TTC7A: variants seen among roughly 807,000 people sequenced by gnomAD.
TTC7A encodes the protein tetratricopeptide repeat protein 7A.
Under a neutral mutation model 103.7 loss-of-function variants are expected in TTC7A, and 110 were observed. The ratio of observed to expected loss-of-function variants is 1.06; its 90% CI spans 0.91 to 1.24. The LOEUF (loss-of-function observed/expected upper bound fraction) is 1.24, where lower values mean the gene tolerates loss of function less well. Ranked by LOEUF, TTC7A falls within the 50% of genes most tolerant of loss-of-function variation. The pLI is 0.00. For synonymous variants in TTC7A, 521 were observed against 467.9 expected, an observed-to-expected ratio of 1.11 and a Z score of -1.47; for missense variants, 1,340 against 1,116.3, an observed-to-expected ratio of 1.20 and a Z score of -2.86.
At chr2:47,071,570 TGAG>T (rs1684718586) in intron 19 of TTC7A, among the ~76,000 whole-genome samples, 1 of 152,238 alleles carries the variant, frequency 6.6e-6, no homozygotes, top group Non-Finnish European at 1.5e-5. Flanking sequence ...GGTTTACAGA[TGAG>T]GAAACCACAG....
At chr2:47,042,207 G>A (rs1026819938) in intron 15 of TTC7A, among the ~76,000 whole-genome samples, 4 of 152,192 alleles carry the variant, frequency 2.6e-5, no homozygotes, top group African/African-American at 9.7e-5. Context: ...TCCCTGAGAG[G>A]TGGAAGTTTC....
chr2:47,051,508 C>T (rs1440622731), intron 17 of TTC7A, among the ~76,000 whole-genome samples: 1 of 152,200 alleles, frequency 6.6e-6, no homozygotes, highest in South Asian at 2.1e-4. Context: ...AGGAATAGAT[C>T]CTAGTGGGAT....
intron 14 of TTC7A, among the ~76,000 whole-genome samples, chr2:47,025,172 C>G (rs894087026): frequency 2.6e-5 from 4 of 152,154 alleles, no homozygotes; most frequent in Admixed American, 1.3e-4. Context: ...GAGGGAAGCC[C>G]GAAGAAGCCC....
chr2:47,009,943 A>G (rs965612878), intron 10 of TTC7A, among the ~76,000 whole-genome samples: 1 of 148,908 alleles, frequency 6.7e-6, no homozygotes, highest in African/African-American at 2.5e-5. Flanking sequence ...GCAGGGAAAC[A>G]GGCCGCCTTT....
Position 47,003,099 on chromosome 2 carries a change from C to T in TTC7A, c.1066-2823C>T, listed in dbSNP as rs973872070. Among the ~76,000 whole-genome samples the T allele has an allele frequency of 5.3e-5, 8 of 152,242 alleles. 1 individual carries two copies. Among genetic ancestry groups the T allele is most frequent in the Non-Finnish European group, 1.2e-4 (8 of 68,048 alleles). On this transcript the variant is annotated intron_variant, in intron 8 of 19. Coordinates refer to ENST00000319190, the MANE Select transcript of TTC7A (RefSeq NM_020458.4). ...TCCCTCTGCCAGACACAAATTCAGACACTGTTCTCTTAAAGGTCAAGGTCT... is the reference window on the plus strand; with the variant it reads ...TCCCTCTGCCAGACACAAATTCAGATACTGTTCTCTTAAAGGTCAAGGTCT...
chr2:46,946,718 G>T (rs1282736618), intron 1 of TTC7A, among the ~76,000 whole-genome samples: 1 of 152,188 alleles, frequency 6.6e-6, no homozygotes, highest in South Asian at 2.1e-4. Context: ...CACCACAGCA[G>T]GCCTGAATTC....
upstream of TTC7A, among the ~76,000 whole-genome samples, chr2:46,936,663 T>C (rs750880050): frequency 6.6e-6 from 1 of 152,156 alleles, no homozygotes. Context: ...GTCACCCAAA[T>C]GTGTACACTT....
chr2:47,062,558 C>G (rs1394614723), intron 19 of TTC7A, among the ~76,000 whole-genome samples: 1 of 152,174 alleles, frequency 6.6e-6, no homozygotes, highest in Non-Finnish European at 1.5e-5. Flanking sequence ...TTGATTAGGG[C>G]AGTGGGAGGG....
At chr2:47,060,599 T>C (rs576390054) in intron 18 of TTC7A, among the ~76,000 whole-genome samples, 170 bp from the exon 19 acceptor site, 1 of 152,342 alleles carries the variant, frequency 6.6e-6, no homozygotes, top group South Asian at 2.1e-4. Context: ...CAGAAACCGT[T>C]ACCTAGTGTT....
chr2:47,068,332 C>T (rs77194418), intron 19 of TTC7A: 1,605 of 152,292 alleles, frequency 0.011, 60 homozygotes, highest in Admixed American at 0.06. Context: ...CCCCATGTCT[C>T]AGGGTCCAGG....
intron 10 of TTC7A, among the ~76,000 whole-genome samples, chr2:47,006,986 C>G (rs1235038316): frequency 6.6e-6 from 1 of 152,180 alleles, no homozygotes; most frequent in African/African-American, 2.4e-5. Context: ...CATGGGAGCA[C>G]TGTATCCTCT....
At chr2:47,006,106 C>G in intron 9 of TTC7A, 47 bp downstream of exon 9, 2 of 1,597,974 alleles carry the variant, frequency 1.3e-6, no homozygotes, top group Non-Finnish European at 1.7e-6. Context: ...GTCAGGTGGT[C>G]TGTAAAGGAA....
intron 10 of TTC7A, among the ~76,000 whole-genome samples, chr2:47,008,973 G>T (rs1274347698): frequency 6.6e-6 from 1 of 151,992 alleles, no homozygotes; most frequent in African/African-American, 2.4e-5. Context: ...GCGTTTTTTG[G>T]TGTACGTGGG....
intron 15 of TTC7A, among the ~76,000 whole-genome samples, chr2:47,038,826 C>G (rs895786006): frequency 1.3e-5 from 2 of 151,992 alleles, no homozygotes; most frequent in African/African-American, 4.8e-5. Context: ...GGAATACCCA[C>G]AGTGTTCCAG....
At chr2:46,981,512 G>T (rs1276789688) in intron 5 of TTC7A, among the ~76,000 whole-genome samples, 1 of 152,202 alleles carries the variant, frequency 6.6e-6, no homozygotes, top group Non-Finnish European at 1.5e-5. Context: ...TGAGGCTGAG[G>T]ATTGTAGGAC....
chr2:46,954,910 C>T (rs1201719568), intron 2 of TTC7A, among the ~76,000 whole-genome samples: 1 of 152,086 alleles, frequency 6.6e-6, no homozygotes, highest in African/African-American at 2.4e-5. Context: ...CTTTATAAAA[C>T]ATGCCCTGCA....
intron 16 of TTC7A, among the ~76,000 whole-genome samples, chr2:47,048,454 A>G (rs1461083701): frequency 3.3e-5 from 5 of 152,126 alleles, no homozygotes; most frequent in African/African-American, 1.2e-4. Context: ...TTTGCTCCCC[A>G]CGACCACCTT....
At chr2:46,916,359 G>T (rs1179675443) in exon 1 of TTC7A, 2 of 173,666 alleles carry the variant, frequency 1.2e-5, no homozygotes, top group Non-Finnish European at 2.3e-5. Flanking sequence ...GTCCCCGTTC[G>T]CTTCCACGGG....
chr2:47,074,014 C>T lies in TTC7A; in HGVS notation c.*91C>T, dbSNP rs780170068. 2.7e-5 allele frequency: 27 copies of T among 993,160 alleles called. No individual in the cohort carries two copies. In the East Asian group the frequency reaches 4.2e-4, roughly 15 times the overall value. 61.5% of individuals were successfully genotyped at this position (993,160 alleles called of 1,614,324 possible). On this transcript the variant is annotated 3_prime_UTR_variant, in exon 20 of 20. Transcript: ENST00000319190. Reference sequence around the variant, plus strand: ...GGTGGGGCAACAGTGGCATCAGGTGCGGGGCCTCAGGGAAATACATCTTTA... The same window carrying T: ...GGTGGGGCAACAGTGGCATCAGGTGTGGGGCCTCAGGGAAATACATCTTTA...
Sources: gnomAD v4.1 joint callset for allele counts (sites outside exome capture counted in the v4.1 genomes callset) on GRCh38, gnomAD v4.1.1 for gene constraint, MANE v1.5 for transcripts, NCBI Gene and HGNC (gene_info 2026-07-23, HGNC 2026-07-21) for gene names.